The following NEK7 variants were observed in gnomAD, a reference collection of about 807,000 sequenced individuals.
The protein encoded by NEK7 is NIMA related kinase 7, also known as serine/threonine-protein kinase Nek7.
A neutral mutation model predicts 44.6 loss-of-function variants in NEK7; 18 were observed. That is an observed-to-expected ratio of 0.40 (90% confidence interval 0.28 to 0.60). The LOEUF is 0.60. NEK7 is among the 20% of genes least tolerant of loss of function. NEK7 has a pLI of 0.38. For missense variants in NEK7, 256 were observed against 366.5 expected, an observed-to-expected ratio of 0.70 and a Z score of 2.46; for synonymous variants, 130 against 121.1, an observed-to-expected ratio of 1.07 and a Z score of -0.48.
chr1:198,241,389 G>T (rs1325561045), intron 2 of NEK7, among the ~76,000 whole-genome samples: 2 of 152,146 alleles, frequency 1.3e-5, no homozygotes, highest in African/African-American at 4.8e-5. Context: ...TTCATTCAGT[G>T]TTGGGGCACA....
rs537624885 is a variant in NEK7, at chr1:198,304,825, C to T, written c.798+7585C>T. Among the ~76,000 whole-genome samples the T allele has an allele frequency of 4.6e-5, 7 of 152,190 alleles. No individual in the cohort carries two copies. The South Asian group carries it at 1.2e-3, about 27-fold the overall frequency. ...TTAATTTCCTTATGGTTAATGACCTCGTAATCCCTTAGGAATGTTGTAGAG... is the reference window on the plus strand; with the variant it reads ...TTAATTTCCTTATGGTTAATGACCTTGTAATCCCTTAGGAATGTTGTAGAG... On this transcript the variant is annotated intron_variant, in intron 9 of 9. Coordinates refer to ENST00000367385, the MANE Select transcript of NEK7 (RefSeq NM_133494.3).
intron 1 of NEK7, among the ~76,000 whole-genome samples, chr1:198,215,601 A>T (rs1327364153): frequency 2.0e-5 from 3 of 152,172 alleles, no homozygotes; most frequent in Non-Finnish European, 4.4e-5. Context: ...TCTTAACTAA[A>T]AGATACAGAT....
chr1:198,252,477 G>T (rs1271515098), intron 2 of NEK7, among the ~76,000 whole-genome samples: 1 of 137,644 alleles, frequency 7.3e-6, no homozygotes, highest in Non-Finnish European at 1.5e-5. Flanking sequence ...TCCCTATGTT[G>T]TATCCTTCTT....
intron 1 of NEK7, among the ~76,000 whole-genome samples, chr1:198,199,532 C>CT (rs142450210): frequency 1.3e-4 from 19 of 149,318 alleles, no homozygotes; most frequent in East Asian, 5.9e-4. Flanking sequence ...CTATACTATA[C>CT]TTTTTTTTTT....
intron 1 of NEK7, among the ~76,000 whole-genome samples, chr1:198,193,794 C>A (rs1474264513): frequency 6.6e-6 from 1 of 152,024 alleles, no homozygotes; most frequent in South Asian, 2.1e-4. Flanking sequence ...AAGGAACATA[C>A]CTCAAAATAA....
At chr1:198,249,939 C>A (rs1558077345) in intron 2 of NEK7, among the ~76,000 whole-genome samples, 1 of 147,224 alleles carries the variant, frequency 6.8e-6, no homozygotes, top group Non-Finnish European at 1.5e-5. Flanking sequence ...GTGTTTTAGA[C>A]ATGAAGTCCT....
At chr1:198,255,607 A>G (rs1653232808) in intron 3 of NEK7, among the ~76,000 whole-genome samples, 1 of 152,136 alleles carries the variant, frequency 6.6e-6, no homozygotes. Flanking sequence ...GCACAATTGT[A>G]TTTCCATTCA....
chr1:198,307,195 T>G (rs1558104327), intron 9 of NEK7, among the ~76,000 whole-genome samples: 1 of 152,142 alleles, frequency 6.6e-6, no homozygotes, highest in Admixed American at 6.6e-5. Flanking sequence ...GGGGGAAATA[T>G]ACTATTAATA....
intron 5 of NEK7, among the ~76,000 whole-genome samples, chr1:198,272,686 A>G (rs1653893164): frequency 1.3e-5 from 2 of 151,884 alleles, no homozygotes; most frequent in Admixed American, 1.3e-4. Flanking sequence ...AGTATTTCCA[A>G]GTATTTTCTT....
intron 1 of NEK7, among the ~76,000 whole-genome samples, chr1:198,196,067 A>C (rs1665227673): frequency 6.6e-6 from 1 of 152,208 alleles, no homozygotes; most frequent in South Asian, 2.1e-4. Context: ...TAAAGTTAAT[A>C]ATTTATTAAT....
Position 198,310,754 on chromosome 1 carries a change from C to T in NEK7, c.799-8658C>T, listed in dbSNP as rs150062293. Among the ~76,000 whole-genome samples, 1,128 of 150,526 alleles carry T rather than the reference C, an allele frequency of 7.5e-3. 18 individuals carry two copies. Among genetic ancestry groups the T allele is most frequent in the African/African-American group, 0.025 (1,046 of 41,202 alleles). On this transcript the variant is annotated intron_variant, in intron 9 of 9. Transcript: ENST00000367385. Reference sequence around the variant, plus strand: ...GTTTGTCAAAGATCAGATGTAGATACGTGGCATTATTTCTGAGGGCTCTGT... The same window carrying T: ...GTTTGTCAAAGATCAGATGTAGATATGTGGCATTATTTCTGAGGGCTCTGT...
chr1:198,232,667 C>A (rs1558069111), intron 2 of NEK7, 30 bp downstream of exon 2: 3 of 1,326,600 alleles, frequency 2.3e-6, no homozygotes, highest in Non-Finnish European at 3.3e-6. Flanking sequence ...ATGGGCAGAA[C>A]TATATATAAT....
chr1:198,256,645 C>A, intron 3 of NEK7: 1 of 853,998 alleles, frequency 1.2e-6, no homozygotes, highest in Non-Finnish European at 1.7e-6. Context: ...TGGTCAGTGT[C>A]TAAGGCTTTA....
intron 3 of NEK7, among the ~76,000 whole-genome samples, chr1:198,261,114 A>G (rs144449800): frequency 4.9e-4 from 75 of 152,128 alleles, no homozygotes; most frequent in Admixed American, 2.0e-4. Context: ...GCAGAATCCT[A>G]TAATTCTTTC....
At chr1:198,287,094 A>G (rs538247656) in intron 7 of NEK7, among the ~76,000 whole-genome samples, 1 of 152,336 alleles carries the variant, frequency 6.6e-6, no homozygotes, top group Non-Finnish European at 1.5e-5. Context: ...CCATTTTAAT[A>G]GACTAATTTA....
chr1:198,297,206 A>G lies in NEK7; in HGVS notation c.764A>G (p.Tyr255Cys). The G allele has an allele frequency of 6.2e-7, 1 of 1,613,626 alleles. No homozygotes were observed. Among genetic ancestry groups the G allele is most frequent in the Non-Finnish European group, 8.5e-7 (1 of 1,179,722 alleles). Residue 255 changes from tyrosine to cysteine, a missense_variant, in exon 9 of 10, where the codon TAC becomes TGC. Tyr to Cys is a radical substitution (Grantham distance 194). Around this residue, in one of 3 missense-constraint regions of NEK7, gnomAD observed 58 missense variants for 66.5 expected, o/e 0.87. Transcript: ENST00000367385. Reference sequence around the variant, plus strand: ...TGTAAGAAGATAGAACAGTGTGACTACCCACCTCTTCCTTCAGATCACTAT... The same window carrying G: ...TGTAAGAAGATAGAACAGTGTGACTGCCCACCTCTTCCTTCAGATCACTAT... ...SLCKKIEQCD[Y>C]PPLPSDHYSE... is the part of the protein sequence containing the mutation.
intron 1 of NEK7, among the ~76,000 whole-genome samples, chr1:198,227,275 G>A (rs1202348060): frequency 2.0e-5 from 3 of 152,110 alleles, no homozygotes; most frequent in Non-Finnish European, 2.9e-5. Flanking sequence ...TCATTGTTGG[G>A]CATTTGGGTT....
chr1:198,163,626 C>G (rs1571492832), intron 1 of NEK7, among the ~76,000 whole-genome samples: 2 of 152,188 alleles, frequency 1.3e-5, no homozygotes, highest in East Asian at 3.9e-4. Context: ...GTTTGTTAGT[C>G]AATAAATACA....
intron 7 of NEK7, among the ~76,000 whole-genome samples, chr1:198,288,626 C>A (rs1372997069): frequency 1.3e-5 from 2 of 152,132 alleles, no homozygotes; most frequent in Non-Finnish European, 2.9e-5. Flanking sequence ...CTTCCCTATG[C>A]CTTCTCTCTA....
Sources: allele counts gnomAD v4.1 joint callset (sites outside exome capture counted in the v4.1 genomes callset), GRCh38; gene constraint gnomAD v4.1.1; regional missense constraint gnomAD v4.1.1; transcripts MANE v1.5; gene names NCBI Gene and HGNC (gene_info 2026-07-23, HGNC 2026-07-21).